TMOD3: variants seen among roughly 807,000 people sequenced by gnomAD.
The protein encoded by TMOD3 is tropomodulin-3.
Under a neutral mutation model 39.2 loss-of-function variants are expected in TMOD3, and 20 were observed. The observed-to-expected ratio is 0.51, with a 90% confidence interval of 0.36 to 0.74. TMOD3 has a LOEUF of 0.74. TMOD3 is among the 30% of genes least tolerant of loss of function. The pLI is 0.00. For missense variants in TMOD3, 381 were observed against 412.8 expected, an observed-to-expected ratio of 0.92 and a Z score of 0.67; for synonymous variants, 143 against 145.8, an observed-to-expected ratio of 0.98 and a Z score of 0.14.
intron 1 of TMOD3, chr15:51,860,108 A>G: frequency 2.1e-6 from 1 of 486,996 alleles, no homozygotes; most frequent in Non-Finnish European, 4.1e-6. Flanking sequence ...TGTAGGCTGT[A>G]CGCTGCTCTT....
chr15:51,863,716 A>G (rs536925710), intron 2 of TMOD3, among the ~76,000 whole-genome samples: 1 of 152,122 alleles, frequency 6.6e-6, no homozygotes, highest in Non-Finnish European at 1.5e-5. Flanking sequence ...TCTTTACCAC[A>G]TTTCTTTATG....
At chr15:51,886,978 G>A (rs543198811) in intron 3 of TMOD3, among the ~76,000 whole-genome samples, 54 of 152,122 alleles carry the variant, frequency 3.5e-4, no homozygotes, top group Non-Finnish European at 3.4e-4. Context: ...TAGCACTTTG[G>A]GAGGCCAAGG....
intron 9 of TMOD3, among the ~76,000 whole-genome samples, chr15:51,902,936 C>T (rs1208094532): frequency 6.6e-6 from 1 of 152,078 alleles, no homozygotes; most frequent in Non-Finnish European, 1.5e-5. Flanking sequence ...CAAGCGTGAG[C>T]CACCGCGCCC....
intron 4 of TMOD3, 121 bp from the exon 5 acceptor site, chr15:51,888,935 G>A: frequency 1.6e-6 from 1 of 625,044 alleles, no homozygotes; most frequent in Non-Finnish European, 2.8e-6. Context: ...TTCTGTGTGG[G>A]TGTGTGATCT....
chr15:51,896,637 C>A, intron 7 of TMOD3, 111 bp downstream of exon 7: 1 of 733,612 alleles, frequency 1.4e-6, no homozygotes, highest in Non-Finnish European at 2.3e-6. Context: ...TTTTAGCTCA[C>A]TATTAGGCAG....
intron 6 of TMOD3, 47 bp from the exon 7 acceptor site, chr15:51,896,372 T>C (rs375876017): frequency 1.6e-5 from 21 of 1,340,394 alleles, no homozygotes; most frequent in Admixed American, 2.0e-5. Context: ...AAACTAAATA[T>C]AATGAAAATT....
At chr15:51,872,098 A>G (rs1029498510) in intron 3 of TMOD3, among the ~76,000 whole-genome samples, 11 of 152,214 alleles carry the variant, frequency 7.2e-5, no homozygotes, top group Admixed American at 2.6e-4. Flanking sequence ...CATTCAGGTA[A>G]CGATAACATC....
intron 1 of TMOD3, among the ~76,000 whole-genome samples, chr15:51,850,836 A>C (rs1432837612): frequency 6.6e-6 from 1 of 152,166 alleles, no homozygotes; most frequent in Non-Finnish European, 1.5e-5. Flanking sequence ...TCCTGGGTTC[A>C]AGCGATTCTC....
At chr15:51,831,642 A>T (rs1025165575) in intron 1 of TMOD3, among the ~76,000 whole-genome samples, 12 of 152,330 alleles carry the variant, frequency 7.9e-5, no homozygotes, top group East Asian at 7.7e-4. Flanking sequence ...TCAGTTTTTT[A>T]AAATACTGTA....
Position 51,862,898 on chromosome 15 carries a change from T to G in TMOD3, c.14T>G (p.Phe5Cys). 1 of 1,613,610 alleles carries G rather than the reference T, an allele frequency of 6.2e-7. No homozygotes were observed. The highest frequency in any genetic ancestry group is 8.5e-7 in the Non-Finnish European group (1 of 1,179,828). MALP[F>C]RKDLEKYKDL... Reference sequence around the variant, plus strand: ...GCCCTGCACATCATGGCACTGCCATTCCGTAAGGACTTAGAAAAGTACAAA... The same window carrying G: ...GCCCTGCACATCATGGCACTGCCATGCCGTAAGGACTTAGAAAAGTACAAA... The change falls in exon 2 of 10, where the codon TTC becomes TGC. Residue 5 changes from phenylalanine to cysteine, a missense_variant. Phe to Cys is a radical substitution (Grantham distance 205, BLOSUM62 -2). Transcript: ENST00000308580.
intron 1 of TMOD3, among the ~76,000 whole-genome samples, chr15:51,848,699 A>G (rs961682662): frequency 2.0e-5 from 3 of 152,246 alleles, no homozygotes; most frequent in Non-Finnish European, 4.4e-5. Context: ...CCTAACTACT[A>G]TTAATATGTG....
chr15:51,861,573 T>C (rs1042487501), intron 1 of TMOD3, among the ~76,000 whole-genome samples: 1 of 151,944 alleles, frequency 6.6e-6, no homozygotes, highest in African/African-American at 2.4e-5. Context: ...TGTATCAAAC[T>C]GAAGTACTGA....
At chr15:51,853,691 C>T (rs2056373284) in intron 1 of TMOD3, among the ~76,000 whole-genome samples, 1 of 151,622 alleles carries the variant, frequency 6.6e-6, no homozygotes, top group Admixed American at 6.6e-5. Flanking sequence ...TGCTGGTAGT[C>T]CTACCTACTC....
intron 9 of TMOD3, among the ~76,000 whole-genome samples, chr15:51,905,972 A>AG (rs2056678134): frequency 1.3e-5 from 2 of 149,142 alleles, no homozygotes; most frequent in African/African-American, 4.9e-5. Context: ...AAAAAAAAAA[A>AG]AAAAAAAAGA....
intron 3 of TMOD3, among the ~76,000 whole-genome samples, chr15:51,883,967 T>A (rs2141697761): frequency 6.6e-6 from 1 of 152,364 alleles, no homozygotes; most frequent in African/African-American, 2.4e-5. Context: ...GATTTGGATT[T>A]CTCTTTACCT....
chr15:51,849,955 G>C (rs2056353210), intron 1 of TMOD3, among the ~76,000 whole-genome samples: 1 of 151,608 alleles, frequency 6.6e-6, no homozygotes, highest in African/African-American at 2.4e-5. Context: ...AAAAAAAGAT[G>C]AGGACTGAAA....
In TMOD3 at chr15:51,915,408, G is replaced by C. The variant is rs999633796; in HGVS notation, c.*6598G>C. On this transcript the variant is annotated 3_prime_UTR_variant, in exon 10 of 10. Coordinates refer to ENST00000308580, the MANE Select transcript of TMOD3 (RefSeq NM_014547.5). ...GTTTTTTGGATGAATTATTATATTT[G>C]GTTTTAGTTACATTTAAAAGCTTGA... 5 of 150,734 alleles carry C rather than the reference G, an allele frequency of 3.3e-5. No individual in the cohort carries two copies. The highest frequency in any genetic ancestry group is 1.2e-4 in the African/African-American group (5 of 40,946). 9.3% of individuals were successfully genotyped at this position (150,734 alleles called of 1,614,324 possible). A position where few individuals can be genotyped will look rare whatever the true frequency, so the allele number is the denominator to read the frequency against.
At chr15:51,859,914 T>G in intron 1 of TMOD3, 3 of 542,344 alleles carry the variant, frequency 5.5e-6, no homozygotes, top group Non-Finnish European at 1.1e-5. Flanking sequence ...CTGAATGCAG[T>G]CATGGTTCTT....
intron 1 of TMOD3, chr15:51,860,921 G>A (rs2056414609): frequency 2.3e-6 from 1 of 442,142 alleles, no homozygotes; most frequent in Admixed American, 2.5e-5. Context: ...AGGCGACAGA[G>A]CAAGACTCCA....
Sources: gnomAD v4.1 joint callset for allele counts (sites outside exome capture counted in the v4.1 genomes callset) on GRCh38, gnomAD v4.1.1 for gene constraint, MANE v1.5 for transcripts, NCBI Gene and HGNC (gene_info 2026-07-23, HGNC 2026-07-21) for gene names.